CDC42BPA: variants seen among roughly 807,000 people sequenced by gnomAD.
The protein encoded by CDC42BPA is CDC42 binding protein kinase alpha, also known as serine/threonine-protein kinase MRCK alpha.
In CDC42BPA, 80 loss-of-function variants were observed where a neutral mutation model predicts 223.5. The ratio of observed to expected loss-of-function variants is 0.36; its 90% CI spans 0.30 to 0.43. CDC42BPA has a LOEUF of 0.43. Among genes scored for constraint, CDC42BPA ranks in the 20% least tolerant of loss-of-function variants. The probability of loss-of-function intolerance (pLI) is 1.00; values close to 1 mark genes in which losing one functional copy is unlikely to be tolerated. For missense variants in CDC42BPA, 1,743 were observed against 2,099.9 expected, an observed-to-expected ratio of 0.83 and a Z score of 3.32; for synonymous variants, 694 against 718.6, an observed-to-expected ratio of 0.97 and a Z score of 0.55.
chr1:227,275,752 G>C (rs892736167), intron 1 of CDC42BPA, among the ~76,000 whole-genome samples: 9 of 152,064 alleles, frequency 5.9e-5, no homozygotes, highest in African/African-American at 2.2e-4. Flanking sequence ...GCAGGCACGC[G>C]CCGCCACGCC....
chr1:227,093,953 G>A (rs1228334932), intron 15 of CDC42BPA, among the ~76,000 whole-genome samples: 1 of 152,084 alleles, frequency 6.6e-6, no homozygotes, highest in Non-Finnish European at 1.5e-5. Context: ...CAACCAACCT[G>A]TTTTTGCATA....
At chr1:227,083,724 A>G (rs1681204802) in intron 16 of CDC42BPA, among the ~76,000 whole-genome samples, 1 of 152,182 alleles carries the variant, frequency 6.6e-6, no homozygotes, top group African/African-American at 2.4e-5. Flanking sequence ...TTTGGTAGGC[A>G]ATCAGAGTAA....
intron 5 of CDC42BPA, among the ~76,000 whole-genome samples, chr1:227,162,715 G>A (rs942540209): frequency 1.6e-4 from 24 of 152,032 alleles, no homozygotes; most frequent in African/African-American, 5.8e-4. Flanking sequence ...ACATGCTTGC[G>A]ATCCCAGCTA....
chr1:227,035,198 C>G (rs1285581448), intron 25 of CDC42BPA, among the ~76,000 whole-genome samples: 1 of 152,140 alleles, frequency 6.6e-6, no homozygotes, highest in African/African-American at 2.4e-5. Flanking sequence ...TATGCCACCT[C>G]TCTTGCAAGA....
chr1:227,293,518 A>AT (rs917433439), intron 1 of CDC42BPA, among the ~76,000 whole-genome samples: 1 of 113,286 alleles, frequency 8.8e-6, no homozygotes, highest in Non-Finnish European at 1.9e-5. Flanking sequence ...TGGTAAAGTC[A>AT]TTAAAAAAAA....
At chr1:227,019,135 C>G (rs1558295685) in intron 32 of CDC42BPA, among the ~76,000 whole-genome samples, 1 of 152,226 alleles carries the variant, frequency 6.6e-6, no homozygotes, top group African/African-American at 2.4e-5. Context: ...TGAATCCTCT[C>G]AAACCCTGCC....
intron 23 of CDC42BPA, among the ~76,000 whole-genome samples, chr1:227,044,831 C>A (rs1400108650): frequency 6.6e-6 from 1 of 152,158 alleles, no homozygotes; most frequent in Non-Finnish European, 1.5e-5. Flanking sequence ...TGGTTATCAT[C>A]TTACTTGTAT....
At chr1:227,138,892 G>T (rs889825655) in intron 10 of CDC42BPA, among the ~76,000 whole-genome samples, 1 of 152,104 alleles carries the variant, frequency 6.6e-6, no homozygotes, top group African/African-American at 2.4e-5. Context: ...AAAAATGAGG[G>T]TATAAATAGC....
chr1:227,203,821 G>C (rs1025680996), intron 3 of CDC42BPA, among the ~76,000 whole-genome samples: 2 of 152,130 alleles, frequency 1.3e-5, no homozygotes, highest in African/African-American at 4.8e-5. Context: ...GGATAAACAG[G>C]AACAGGAATG....
intron 1 of CDC42BPA, among the ~76,000 whole-genome samples, chr1:227,273,163 T>C (rs994252060): frequency 7.2e-5 from 11 of 152,154 alleles, no homozygotes; most frequent in Admixed American, 6.5e-4. Context: ...CCAGGCATGG[T>C]GGCGCATGCC....
intron 17 of CDC42BPA, among the ~76,000 whole-genome samples, chr1:227,076,588 C>T (rs1679535282): frequency 6.6e-6 from 1 of 152,128 alleles, no homozygotes; most frequent in South Asian, 2.1e-4. Flanking sequence ...TGCTTGTAGG[C>T]CATTTGGTTA....
chr1:227,225,549 T>C (rs1250357160), intron 2 of CDC42BPA, among the ~76,000 whole-genome samples: 1 of 152,224 alleles, frequency 6.6e-6, no homozygotes, highest in Non-Finnish European at 1.5e-5. Context: ...TTAATAGTTG[T>C]TAAGTATAAA....
chr1:227,156,182 T>C (rs1467352118), intron 6 of CDC42BPA, among the ~76,000 whole-genome samples: 2 of 151,794 alleles, frequency 1.3e-5, no homozygotes, highest in Non-Finnish European at 2.9e-5. Flanking sequence ...AGTCAGGATC[T>C]TGCTGCCACC....
At chr1:227,014,639 T>C (rs1665860494) in intron 34 of CDC42BPA, among the ~76,000 whole-genome samples, 1 of 152,184 alleles carries the variant, frequency 6.6e-6, no homozygotes, top group Non-Finnish European at 1.5e-5. Context: ...CTGTCAGTGA[T>C]AGATGTTTAT....
At chr1:227,291,571 C>CA (rs935040173) in intron 1 of CDC42BPA, among the ~76,000 whole-genome samples, 26 of 143,628 alleles carry the variant, frequency 1.8e-4, no homozygotes, top group Non-Finnish European at 2.5e-4. Context: ...CAAAAACAAA[C>CA]AAAAAAAACA....
intron 1 of CDC42BPA, among the ~76,000 whole-genome samples, chr1:227,265,866 T>C (rs1002298003): frequency 6.6e-6 from 1 of 152,148 alleles, no homozygotes; most frequent in Non-Finnish European, 1.5e-5. Context: ...CTCTAACACT[T>C]ATAAGCATTC....
chr1:227,217,494 C>T (rs924274554), intron 2 of CDC42BPA, among the ~76,000 whole-genome samples: 1 of 151,774 alleles, frequency 6.6e-6, no homozygotes, highest in African/African-American at 2.4e-5. Context: ...CTGGATTGTC[C>T]TACCTGACCT....
intron 1 of CDC42BPA, among the ~76,000 whole-genome samples, chr1:227,261,124 C>CTTTCTTTCTTTTTTTTTTTTTTTT (rs386417862): frequency 1.5e-4 from 18 of 121,000 alleles, no homozygotes; most frequent in South Asian, 2.8e-4. Context: ...TTGAGTTTTT[C>CTTTCTTTCTTTTTTTTTTTTTTTT]TTTTTTTTTG....
chr1:227,034,854 A>C, intron 25 of CDC42BPA, 60 bp from the exon 26 acceptor site: 1 of 1,451,228 alleles, frequency 6.9e-7, no homozygotes, highest in Non-Finnish European at 9.4e-7. Context: ...TATCCCTTAA[A>C]TTACATATGT....
Sources: gnomAD v4.1 joint callset for allele counts (sites outside exome capture counted in the v4.1 genomes callset) on GRCh38, gnomAD v4.1.1 for gene constraint, MANE v1.5 for transcripts, NCBI Gene and HGNC (gene_info 2026-07-23, HGNC 2026-07-21) for gene names.